EVA1A: variants seen among roughly 807,000 people sequenced by gnomAD.
EVA1A encodes the protein eva-1 homolog A, regulator of programmed cell death.
In EVA1A, 7 loss-of-function variants were observed where a neutral mutation model predicts 9.8. The observed-to-expected ratio is 0.71, with a 90% confidence interval of 0.41 to 1.34. The LOEUF is 1.34. EVA1A is among the 40% of genes most tolerant of loss of function. The pLI is 0.01. For synonymous variants in EVA1A, 90 were observed against 85.6 expected, an observed-to-expected ratio of 1.05 and a Z score of -0.28; for missense variants, 206 against 205.9, an observed-to-expected ratio of 1.00 and a Z score of 0.00.
chr2:75,497,273 T>G (rs1674244116), intron 3 of EVA1A, among the ~76,000 whole-genome samples: 1 of 152,142 alleles, frequency 6.6e-6, no homozygotes, highest in African/African-American at 2.4e-5. Flanking sequence ...GGAGAAAATA[T>G]TCCTAAATTA....
chr2:75,523,602 C>G (rs1370292723), intron 1 of EVA1A, among the ~76,000 whole-genome samples: 1 of 152,218 alleles, frequency 6.6e-6, no homozygotes, highest in Non-Finnish European at 1.5e-5. Context: ...TTGGCTTCCA[C>G]TGCCCCATCA....
intron 1 of EVA1A, among the ~76,000 whole-genome samples, chr2:75,556,265 C>T (rs1326434575): frequency 6.6e-6 from 1 of 152,166 alleles, no homozygotes; most frequent in Non-Finnish European, 1.5e-5. Context: ...GAATACAGCT[C>T]AAGACGTAAA....
At chr2:75,508,713 C>T (rs1402174895) in intron 3 of EVA1A, among the ~76,000 whole-genome samples, 1 of 152,104 alleles carries the variant, frequency 6.6e-6, no homozygotes. Context: ...TTAAAAATCC[C>T]TAATAAAAAC....
chr2:75,561,597 A>G (rs1676923269), upstream of EVA1A, among the ~76,000 whole-genome samples: 1 of 152,140 alleles, frequency 6.6e-6, no homozygotes, highest in African/African-American at 2.4e-5. Flanking sequence ...CCCTGTTCCT[A>G]TACAATCGTC....
At chr2:75,549,731 G>A (rs753643005) in intron 1 of EVA1A, among the ~76,000 whole-genome samples, 8 of 152,172 alleles carry the variant, frequency 5.3e-5, no homozygotes, top group Non-Finnish European at 1.2e-4. Flanking sequence ...GCTTTGTGTG[G>A]GGAAAGAAAA....
chr2:75,506,088 T>C (rs986954667), intron 3 of EVA1A, among the ~76,000 whole-genome samples: 15 of 152,232 alleles, frequency 9.9e-5, no homozygotes, highest in Admixed American at 5.2e-4. Flanking sequence ...TCTCCCTCCA[T>C]CATGCCTAAT....
chr2:75,501,704 T>G (rs1172087599), intron 3 of EVA1A, among the ~76,000 whole-genome samples: 1 of 152,178 alleles, frequency 6.6e-6, no homozygotes, highest in Non-Finnish European at 1.5e-5. Flanking sequence ...ATAATGCCCT[T>G]GAAGGAGCCG....
rs1674092240 is a variant in EVA1A at position 75,493,293 on chromosome 2, G to A, written c.402C>T (p.Ile134=). Residue 134 remains isoleucine, a synonymous_variant, in exon 4 of 4, where the codon ATC becomes ATT. Coordinates refer to ENST00000393913, the MANE Select transcript of EVA1A (RefSeq NM_001135032.2). ...GCACCTCAGGCTGGCCATTCATCCA[G>A]ATCTCCCTGATGATGCGCTCGCGCT... ...LEERERIIRE[I]WMNGQPEVPG... is the part of the protein sequence containing the mutation. 1 of 1,613,970 alleles carries A rather than the reference G, an allele frequency of 6.2e-7. No individual in the cohort carries two copies. The highest frequency in any genetic ancestry group is 8.5e-7 in the Non-Finnish European group (1 of 1,179,978).
At chr2:75,495,892 T>G (rs1674194772) in intron 3 of EVA1A, among the ~76,000 whole-genome samples, 3 of 152,242 alleles carry the variant, frequency 2.0e-5, no homozygotes, top group African/African-American at 4.8e-5. Flanking sequence ...CTTTCCTCCT[T>G]TGTTGGTTGT....
intron 1 of EVA1A, among the ~76,000 whole-genome samples, chr2:75,535,995 C>A (rs1675877160): frequency 6.6e-6 from 1 of 152,188 alleles, no homozygotes; most frequent in Non-Finnish European, 1.5e-5. Context: ...AAAGTCCTTT[C>A]TTTGATTATT....
At chr2:75,553,107 C>T (rs1363658979) in intron 1 of EVA1A, among the ~76,000 whole-genome samples, 1 of 152,202 alleles carries the variant, frequency 6.6e-6, no homozygotes, top group Non-Finnish European at 1.5e-5. Flanking sequence ...TTGAAGCAGC[C>T]CTGGTTTGCT....
At chr2:75,517,873 G>C in intron 3 of EVA1A, 183 bp downstream of exon 3, 1 of 766,424 alleles carries the variant, frequency 1.3e-6, no homozygotes, top group South Asian at 1.5e-5. Flanking sequence ...TTTCAAATTA[G>C]AGAATGACAA....
rs542816129 is a variant in EVA1A, at chr2:75,551,096, T to G, written c.-192+9584A>C. ...CAAGATCGCACCACACATTCCAGCC[T>G]GGGCGACAGAGCAAGACTCTGCTCA... is the stretch of plus-strand genomic sequence containing the variant. On this transcript the variant is annotated intron_variant, in intron 1 of 3. Transcript: ENST00000393913. Among the ~76,000 whole-genome samples the G allele has an allele frequency of 1.9e-4, 29 of 152,170 alleles. No individual in the cohort carries two copies. The South Asian group carries it at 5.4e-3, about 28-fold the overall frequency.
intron 1 of EVA1A, among the ~76,000 whole-genome samples, chr2:75,548,503 G>A (rs540593914): frequency 6.6e-6 from 1 of 152,130 alleles, no homozygotes; most frequent in Admixed American, 6.5e-5. Flanking sequence ...CAAACACCAC[G>A]TGTTGCCTCC....
intron 1 of EVA1A, among the ~76,000 whole-genome samples, chr2:75,559,013 C>T (rs964734574): frequency 6.6e-6 from 1 of 152,086 alleles, no homozygotes; most frequent in Non-Finnish European, 1.5e-5. Context: ...AAGACTGGGA[C>T]AGAGACTGGT....
upstream of EVA1A, among the ~76,000 whole-genome samples, chr2:75,564,445 GGTAATGCCAGCA>G (rs2104005356): frequency 6.6e-6 from 1 of 152,358 alleles, no homozygotes; most frequent in African/African-American, 2.4e-5. Context: ...GATGTGGGCA[GGTAATGCCAGCA>G]GAGTGCACAG....
chr2:75,550,535 C>T (rs1043653134), intron 1 of EVA1A, among the ~76,000 whole-genome samples: 1 of 152,168 alleles, frequency 6.6e-6, no homozygotes. Flanking sequence ...TTGAGGAATA[C>T]TTTGAAGGCA....
chr2:75,511,518 C>T (rs1275622593), intron 3 of EVA1A, among the ~76,000 whole-genome samples: 1 of 152,078 alleles, frequency 6.6e-6, no homozygotes, highest in Non-Finnish European at 1.5e-5. Context: ...CAGTGAAAAA[C>T]GTGAAGGGCA....
chr2:75,539,544 G>A lies in EVA1A; in HGVS notation c.-191-17057C>T, dbSNP rs1485498257. ...AGAAATAGACACTGCTTCAGTATTT[G>A]CAGCAGAAGGAATTTAACGCAGGGA... On this transcript the variant is annotated intron_variant, in intron 1 of 3. Coordinates refer to ENST00000393913, the MANE Select transcript of EVA1A (RefSeq NM_001135032.2). Among the ~76,000 whole-genome samples, 5 of 152,148 alleles carry A rather than the reference G, an allele frequency of 3.3e-5. No individual in the cohort carries two copies. In the East Asian group the frequency reaches 9.6e-4, roughly 29 times the overall value.
Sources: gnomAD v4.1 joint callset for allele counts (sites outside exome capture counted in the v4.1 genomes callset) on GRCh38, gnomAD v4.1.1 for gene constraint, MANE v1.5 for transcripts, NCBI Gene and HGNC (gene_info 2026-07-23, HGNC 2026-07-21) for gene names.